TGFBRAP1: variants seen among roughly 807,000 people sequenced by gnomAD.
TGFBRAP1 encodes the protein transforming growth factor beta receptor associated protein 1.
A neutral mutation model predicts 83.2 loss-of-function variants in TGFBRAP1; 20 were observed. The observed-to-expected ratio is 0.24, with a 90% CI of 0.17 to 0.35. The LOEUF (loss-of-function observed/expected upper bound fraction) is 0.35. Among genes scored for constraint, TGFBRAP1 ranks in the 10% least tolerant of loss-of-function variants. TGFBRAP1 has a pLI of 1.00. For synonymous variants in TGFBRAP1, 415 were observed against 459.8 expected, an observed-to-expected ratio of 0.90 and a Z score of 1.25; for missense variants, 950 against 1,099.4, an observed-to-expected ratio of 0.86 and a Z score of 1.92.
chr2:105,303,323 G>T (rs1307881238), intron 2 of TGFBRAP1, among the ~76,000 whole-genome samples: 2 of 152,160 alleles, frequency 1.3e-5, no homozygotes, highest in Admixed American at 6.5e-5. Flanking sequence ...TGAAAGAAGG[G>T]CCTAGAAACA....
chr2:105,261,110 G>C (rs1033075006), downstream of TGFBRAP1, among the ~76,000 whole-genome samples: 6 of 152,230 alleles, frequency 3.9e-5, no homozygotes, highest in African/African-American at 1.4e-4. Context: ...TTAAAAAACA[G>C]TTTGGAAATA....
Position 105,298,494 on chromosome 2 carries a change from T to C in TGFBRAP1, c.883+17A>G. On this transcript the variant is annotated intron_variant, in intron 3 of 11. Transcript: ENST00000393359. ...GAGTTAAGTAAATTTCACTAAGACT[T>C]CTATGTGAATGAGTACCTTCAAAGT... 1 of 1,554,760 alleles carries C rather than the reference T, an allele frequency of 6.4e-7. No homozygotes were observed. Among genetic ancestry groups the C allele is most frequent in the Non-Finnish European group, 8.7e-7 (1 of 1,148,068 alleles).
intron 1 of TGFBRAP1, among the ~76,000 whole-genome samples, chr2:105,321,531 AT>A (rs1299571827): frequency 6.6e-6 from 1 of 152,194 alleles, no homozygotes; most frequent in African/African-American, 2.4e-5. Flanking sequence ...AGAAAAAAAA[AT>A]GTTTCTCTGA....
At chr2:105,313,321 C>T (rs1337087429) in intron 1 of TGFBRAP1, among the ~76,000 whole-genome samples, 1 of 152,196 alleles carries the variant, frequency 6.6e-6, no homozygotes, top group African/African-American at 2.4e-5. Context: ...TTCTAGAGGT[C>T]CCACTTCTTT....
At chr2:105,274,207 C>T (rs555859721) in intron 8 of TGFBRAP1, among the ~76,000 whole-genome samples, 1 of 152,278 alleles carries the variant, frequency 6.6e-6, no homozygotes, top group South Asian at 2.1e-4. Context: ...AGCTTCCAGT[C>T]CCTGAGTAAG....
intron 6 of TGFBRAP1, among the ~76,000 whole-genome samples, chr2:105,280,171 C>T (rs1677484169): frequency 6.6e-6 from 1 of 152,130 alleles, no homozygotes; most frequent in Admixed American, 6.5e-5. Context: ...TCCAAGACCC[C>T]TTCAAGGGGT....
chr2:105,251,441 G>A, the TGFBRAP1 span, among the ~76,000 whole-genome samples: 12 of 148,604 alleles, frequency 8.1e-5, no homozygotes, highest in African/African-American at 1.2e-4. Context: ...GGTGAGGAGC[G>A]TCTCTGCCTG....
chr2:105,322,431 C>G (rs998871505), intron 1 of TGFBRAP1, among the ~76,000 whole-genome samples: 8 of 152,208 alleles, frequency 5.3e-5, no homozygotes, highest in Non-Finnish European at 1.0e-4. Flanking sequence ...TAGGCCTTCA[C>G]TTTCACTTGC....
the TGFBRAP1 span, among the ~76,000 whole-genome samples, chr2:105,252,850 T>G: frequency 6.7e-6 from 1 of 148,892 alleles, no homozygotes; most frequent in Admixed American, 6.8e-5. Context: ...CCTCCCAGCT[T>G]CACGCCATTC....
chr2:105,277,565 C>T (rs1317418031), intron 7 of TGFBRAP1, 49 bp downstream of exon 7: 1 of 1,593,152 alleles, frequency 6.3e-7, no homozygotes. Context: ...CTAAGTATTA[C>T]TTACATGGTG....
intron 3 of TGFBRAP1, among the ~76,000 whole-genome samples, chr2:105,296,756 CTTTTTTT>C (rs60031957): frequency 1.8e-4 from 13 of 73,214 alleles, no homozygotes; most frequent in East Asian, 9.5e-4. Context: ...CTTTTTTTGC[CTTTTTTT>C]TTTTTTTTTT....
At chr2:105,255,388 C>T in the TGFBRAP1 span, among the ~76,000 whole-genome samples, 1 of 152,110 alleles carries the variant, frequency 6.6e-6, no homozygotes, top group African/African-American at 2.4e-5. Context: ...GTGGTACAAT[C>T]ATGGCTCACT....
At position 105,269,196 on chromosome 2, in the gene TGFBRAP1, AT is replaced by A; in HGVS notation, c.2406+75del. ...GAAAAAAGAAAAACCAACAAAGACT[AT>A]TTTTCCATCAGTAAAATCTACCTTC... On this transcript the variant is annotated intron_variant, in intron 11 of 11. Transcript: ENST00000393359. This position sits in a 1 kb window ranked among gnomAD's most constrained non-coding sequence, Gnocchi z 4.1. 3 of 1,446,086 alleles carry A rather than the reference AT, an allele frequency of 2.1e-6. No homozygotes were observed. Among genetic ancestry groups the A allele is most frequent in the Non-Finnish European group, 2.7e-6 (3 of 1,090,986 alleles). 89.6% of individuals were successfully genotyped at this position (1,446,086 alleles called of 1,614,324 possible).
chr2:105,310,706 A>G (rs116715250), intron 1 of TGFBRAP1, among the ~76,000 whole-genome samples: 3,505 of 152,286 alleles, frequency 0.023, 94 homozygotes, highest in Admixed American at 0.078. Flanking sequence ...CCAACCAAAC[A>G]TAACCACCAA....
chr2:105,304,610 C>T (rs913323354), intron 2 of TGFBRAP1, among the ~76,000 whole-genome samples: 1 of 152,170 alleles, frequency 6.6e-6, no homozygotes, highest in Admixed American at 6.5e-5. Flanking sequence ...TGGTGAAACC[C>T]CATCTCTACT....
chr2:105,304,299 G>C (rs1488216912), intron 2 of TGFBRAP1, among the ~76,000 whole-genome samples: 1 of 152,164 alleles, frequency 6.6e-6, no homozygotes, highest in Non-Finnish European at 1.5e-5. Flanking sequence ...GATGCTAGGT[G>C]ATGTCTCTAC....
rs752744698 is a variant in TGFBRAP1 at position 105,308,230 on chromosome 2, G to A, written c.72C>T (p.Arg24=). The A allele has an allele frequency of 2.5e-6, 4 of 1,614,058 alleles. No homozygotes were observed. The highest frequency in any genetic ancestry group is 3.4e-6 in the Non-Finnish European group (4 of 1,180,044). ...ERELLMGDKE[R]VNIECVECCG... The stretch of plus-strand genomic sequence containing the variant: ...AGCACTCCACGCACTCTATGTTGAC[G>A]CGCTCCTTGTCGCCCATCAGCAGCT... Residue 24 remains arginine, a synonymous_variant, in exon 2 of 12, where the codon CGC becomes CGT. Coordinates refer to ENST00000393359, the MANE Select transcript of TGFBRAP1 (RefSeq NM_004257.6).
chr2:105,269,438 T>G lies in TGFBRAP1; in HGVS notation c.2240A>C (p.Glu747Ala), dbSNP rs775092046. ...CTGCAGCACCTGGGCTGCATCAAAT[T>G]CGGTGGCGTGGCGGTTCAGCAGGTC... is the stretch of plus-strand genomic sequence containing the variant. The part of the protein sequence containing the change: ...AVDLLNRHAT[E>A]FDAAQVLQML... Residue 747 changes from glutamate to alanine, a missense_variant, in exon 11 of 12, where the codon GAA becomes GCA. By Grantham distance (107) the Glu-to-Ala change is moderately radical. Coordinates refer to ENST00000393359, the MANE Select transcript of TGFBRAP1 (RefSeq NM_004257.6). The surrounding 1 kb of genome is among the most constrained non-coding windows in gnomAD (Gnocchi z 4.1). 1 of 1,613,724 alleles carries G rather than the reference T, an allele frequency of 6.2e-7. No individual in the cohort carries two copies. Among genetic ancestry groups the G allele is most frequent in the East Asian group, 2.2e-5 (1 of 44,852 alleles).
chr2:105,304,630 A>G (rs1176727281), intron 2 of TGFBRAP1, among the ~76,000 whole-genome samples: 1 of 152,190 alleles, frequency 6.6e-6, no homozygotes, highest in Non-Finnish European at 1.5e-5. Flanking sequence ...TAAGAACACA[A>G]AAATTAGCTG....
Sources: gnomAD v4.1 joint callset for allele counts (sites outside exome capture counted in the v4.1 genomes callset) on GRCh38, gnomAD v4.1.1 for gene constraint, Gnocchi (gnomAD v3.1) non-coding constraint, MANE v1.5 for transcripts, NCBI Gene and HGNC (gene_info 2026-07-23, HGNC 2026-07-21) for gene names.